Variants in DAB2IP observed in about 807,000 individuals in gnomAD.
DAB2IP encodes disabled homolog 2-interacting protein.
In DAB2IP, 28 loss-of-function variants were observed where a neutral mutation model predicts 107.2. That is an observed-to-expected ratio of 0.26 (90% CI 0.19 to 0.36). The LOEUF (loss-of-function observed/expected upper bound fraction) is 0.36, where lower values mean the gene tolerates loss of function less well. DAB2IP is among the 10% of genes least tolerant of loss of function. The pLI is 1.00. For synonymous variants in DAB2IP, 755 were observed against 706.4 expected (o/e 1.07, Z -1.09); for missense variants, 1,400 against 1,644.7 (o/e 0.85, Z 2.57).
chr9:121,600,333 T>G (rs1381204598), intron 1 of DAB2IP, among the ~76,000 whole-genome samples: 4 of 152,136 alleles, frequency 2.6e-5, no homozygotes, highest in Non-Finnish European at 4.4e-5. Context: ...GTCGTTGAAG[T>G]GAGGTCTCTT....
intron 9 of DAB2IP, among the ~76,000 whole-genome samples, chr9:121,767,417 TAGG>T (rs1310062852): frequency 6.6e-6 from 1 of 152,166 alleles, no homozygotes; most frequent in African/African-American, 2.4e-5. Flanking sequence ...ACGAGCCTCT[TAGG>T]AGGGCTCTCA....
At chr9:121,641,179 G>A (rs959162366) in intron 1 of DAB2IP, among the ~76,000 whole-genome samples, 3 of 152,216 alleles carry the variant, frequency 2.0e-5, no homozygotes, top group Admixed American at 2.0e-4. Context: ...AATTATAGGG[G>A]CCCAACCCTT....
chr9:121,770,525 C>T, intron 10 of DAB2IP, 21 bp from the exon 11 acceptor site: 1 of 1,607,638 alleles, frequency 6.2e-7, no homozygotes, highest in South Asian at 1.1e-5. Context: ...GTCACACCTG[C>T]CTCTTGCTGT....
chr9:121,715,620 T>C (rs777285224), intron 3 of DAB2IP, among the ~76,000 whole-genome samples: 1 of 152,216 alleles, frequency 6.6e-6, no homozygotes, highest in Non-Finnish European at 1.5e-5. Flanking sequence ...CCCAAAGTGC[T>C]GGGATTACAG....
At chr9:121,773,611 T>G in intron 12 of DAB2IP, 116 bp downstream of exon 12, 2 of 1,246,744 alleles carry the variant, frequency 1.6e-6, no homozygotes, top group Non-Finnish European at 2.0e-6. Flanking sequence ...CCAGCTGCCA[T>G]CCCATCCCAC....
chr9:121,769,237 CT>C (rs1416783148), intron 10 of DAB2IP, among the ~76,000 whole-genome samples: 1 of 152,208 alleles, frequency 6.6e-6, no homozygotes, highest in Non-Finnish European at 1.5e-5. Context: ...GACCACCTTA[CT>C]TTTGTAAGGT....
chr9:121,599,339 G>C lies in DAB2IP; in HGVS notation c.40+32111G>C, dbSNP rs1346365744. On this transcript the variant is annotated intron_variant, in intron 1 of 16. Transcript: ENST00000259371. The surrounding 1 kb of genome is among the most constrained non-coding windows in gnomAD (Gnocchi z 6.9). The stretch of plus-strand genomic sequence containing the variant: ...GCACCAGGCTGGGGAGCGTGTGCTC[G>C]GAGCGGAGGGCCTCGGCTCTGCCCA... Among the ~76,000 whole-genome samples, 1 of 152,150 alleles carries C rather than the reference G, an allele frequency of 6.6e-6. No homozygotes were observed. The highest frequency in any genetic ancestry group is 2.4e-5 in the African/African-American group (1 of 41,460).
In DAB2IP at chr9:121,674,451, A is replaced by G. The variant is rs1471471521; in HGVS notation, c.125-4227A>G. On this transcript the variant is annotated intron_variant, in intron 1 of 15. Coordinates refer to ENST00000408936, the Ensembl canonical transcript of DAB2IP. Reference sequence around the variant, plus strand: ...TGTGGGCTGGGAGACTGGAGAGGTCAGGGAGGAGAGCCAGCCGCCCTGTGC... The same window carrying G: ...TGTGGGCTGGGAGACTGGAGAGGTCGGGGAGGAGAGCCAGCCGCCCTGTGC... 2.0e-5 allele frequency among the ~76,000 whole-genome samples: 3 copies of G among 152,120 alleles called. No individual in the cohort carries two copies. In the South Asian group the frequency reaches 6.2e-4, roughly 32 times the overall value.
At chr9:121,695,233 T>C (rs564255306) in intron 2 of DAB2IP, among the ~76,000 whole-genome samples, 1 of 152,302 alleles carries the variant, frequency 6.6e-6, no homozygotes, top group East Asian at 1.9e-4. Flanking sequence ...TTCATGTCCC[T>C]GTCCCCCTGC....
chr9:121,723,369 G>A (rs1265151445), intron 3 of DAB2IP, among the ~76,000 whole-genome samples: 1 of 152,252 alleles, frequency 6.6e-6, no homozygotes, highest in Admixed American at 6.5e-5. Context: ...GACAGAGACA[G>A]GAATCAGCTG....
At chr9:121,661,112 T>C (rs896413904) in intron 1 of DAB2IP, among the ~76,000 whole-genome samples, 1 of 152,098 alleles carries the variant, frequency 6.6e-6, no homozygotes, top group Non-Finnish European at 1.5e-5. Flanking sequence ...CCCGGCAGGC[T>C]GTGGACATGG....
intron 1 of DAB2IP, among the ~76,000 whole-genome samples, chr9:121,673,476 G>C (rs973015724): frequency 8.5e-5 from 13 of 152,122 alleles, no homozygotes; most frequent in African/African-American, 3.1e-4. Context: ...GGGCGAGATT[G>C]CCCCTAAGTG....
intron 1 of DAB2IP, among the ~76,000 whole-genome samples, chr9:121,663,069 A>T (rs1417664100): frequency 2.0e-5 from 3 of 152,220 alleles, no homozygotes; most frequent in Non-Finnish European, 4.4e-5. Flanking sequence ...TGGAGTGTTC[A>T]GGAAATCCAG....
intron 1 of DAB2IP, among the ~76,000 whole-genome samples, chr9:121,654,661 G>A (rs10985344): frequency 0.2 from 30,458 of 152,076 alleles, 3,763 homozygotes; most frequent in South Asian, 0.31. Flanking sequence ...CCCACCCAGG[G>A]AGAAACTCAG....
intron 3 of DAB2IP, among the ~76,000 whole-genome samples, chr9:121,724,965 C>A (rs956256339): frequency 6.6e-6 from 1 of 152,100 alleles, no homozygotes; most frequent in Admixed American, 6.5e-5. Flanking sequence ...TCGGGGACTT[C>A]AGTGAGGGTC....
chr9:121,674,153 C>T (rs371607311), intron 1 of DAB2IP, among the ~76,000 whole-genome samples: 3 of 152,282 alleles, frequency 2.0e-5, no homozygotes, highest in East Asian at 3.9e-4. Context: ...AGGGTCATCC[C>T]GATGGTGGCT....
intron 2 of DAB2IP, among the ~76,000 whole-genome samples, chr9:121,697,395 G>A (rs774796066): frequency 5.3e-5 from 8 of 152,214 alleles, no homozygotes; most frequent in Non-Finnish European, 1.2e-4. Flanking sequence ...CCTGGGAGAA[G>A]AGAACCCATC....
intron 10 of DAB2IP, 68 bp downstream of exon 10, chr9:121,768,701 A>G: frequency 1.3e-6 from 2 of 1,588,554 alleles, no homozygotes; most frequent in Non-Finnish European, 1.7e-6. Context: ...TCCCCCTTCC[A>G]GAGTAACCAT....
chr9:121,651,658 C>T lies in DAB2IP; in HGVS notation c.-118C>T. On this transcript the variant is annotated 5_prime_UTR_variant, in exon 1 of 16. Transcript: ENST00000408936. The surrounding 1 kb of genome is among the most constrained non-coding windows in gnomAD (Gnocchi z 5.1). ...CGACTTTGTGGGGCAGCCAGGGCCTCGGCGGCCGCTCGGGCGAGCGCGGGA... is the reference window on the plus strand; with the variant it reads ...CGACTTTGTGGGGCAGCCAGGGCCTTGGCGGCCGCTCGGGCGAGCGCGGGA... The T allele has an allele frequency of 1.8e-6, 2 of 1,081,998 alleles. No individual in the cohort carries two copies. The highest frequency in any genetic ancestry group is 1.7e-5 in the African/African-American group (1 of 59,674). 67.0% of individuals were successfully genotyped at this position (1,081,998 alleles called of 1,614,324 possible).
Sources: gnomAD v4.1 joint callset for allele counts (sites outside exome capture counted in the v4.1 genomes callset) on GRCh38, gnomAD v4.1.1 for gene constraint, Gnocchi (gnomAD v3.1) non-coding constraint, MANE v1.5 for transcripts, NCBI Gene and HGNC (gene_info 2026-07-23, HGNC 2026-07-21) for gene names.